Variants in CNGA1 observed in about 807,000 individuals in gnomAD.
CNGA1 encodes the protein cyclic nucleotide-gated channel alpha-1.
Under a neutral mutation model 69.7 loss-of-function variants are expected in CNGA1, and 53 were observed. The observed-to-expected ratio is 0.76, with a 90% CI of 0.61 to 0.96. The LOEUF is 0.96. Among genes scored for constraint, CNGA1 ranks in the 40% least tolerant of loss-of-function variants. CNGA1 has a pLI of 0.00. For missense variants in CNGA1, 739 were observed against 811.2 expected, an observed-to-expected ratio of 0.91 and a Z score of 1.08; for synonymous variants, 249 against 283.5, an observed-to-expected ratio of 0.88 and a Z score of 1.22.
chr4:47,967,180 GTA>G (rs2110189668), intron 3 of CNGA1, among the ~76,000 whole-genome samples: 1 of 152,278 alleles, frequency 6.6e-6, no homozygotes, highest in Non-Finnish European at 1.5e-5. Flanking sequence ...GCGAGCACCT[GTA>G]ATCCCAGCTA....
At chr4:47,985,745 C>T (rs533385741) in intron 2 of CNGA1, among the ~76,000 whole-genome samples, 2 of 150,344 alleles carry the variant, frequency 1.3e-5, no homozygotes, top group East Asian at 1.9e-4. Flanking sequence ...ACACTTCCTT[C>T]GTCTATCTTC....
At chr4:47,955,521 G>A (rs1382032300) in intron 3 of CNGA1, among the ~76,000 whole-genome samples, 1 of 152,066 alleles carries the variant, frequency 6.6e-6, no homozygotes, top group Non-Finnish European at 1.5e-5. Flanking sequence ...TATGCTATGA[G>A]AACAGATTAT....
intron 2 of CNGA1, among the ~76,000 whole-genome samples, chr4:47,995,358 T>C (rs1165919387): frequency 1.3e-5 from 2 of 152,168 alleles, no homozygotes; most frequent in Non-Finnish European, 2.9e-5. Context: ...TTATTCTTTT[T>C]TGTCTTTGTT....
chr4:47,973,856 T>C (rs1208974357), intron 3 of CNGA1, among the ~76,000 whole-genome samples: 1 of 152,158 alleles, frequency 6.6e-6, no homozygotes, highest in Non-Finnish European at 1.5e-5. Flanking sequence ...CATATTCTTC[T>C]GAACAACTTG....
In CNGA1 at chr4:47,989,684, G is replaced by A. The variant is rs116557666; in HGVS notation, c.-122-8184C>T. On this transcript the variant is annotated intron_variant, in intron 2 of 10. Coordinates refer to ENST00000514170, the MANE Select transcript of CNGA1 (RefSeq NM_001379270.1). ...TCCGTAGGTTATTGGGGAAGCTGGT[G>A]GTGTTTGGTTACATGAGTAAGTTCT... is the stretch of plus-strand genomic sequence containing the variant. Among the ~76,000 whole-genome samples, 1,033 of 152,036 alleles carry A rather than the reference G, an allele frequency of 6.8e-3. 40 individuals are homozygous for A. Among genetic ancestry groups the A allele is most frequent in the African/African-American group, 0.023 (970 of 41,392 alleles).
rs534932223 is a variant in CNGA1 at position 47,983,633 on chromosome 4, A to T, written c.-122-2133T>A. ...AAAAAAGTAAAAGAAAAAGAAAAAG[A>T]AAAAGAGAATAAGCCCCTTGCCTTG... On this transcript the variant is annotated intron_variant, in intron 2 of 10. Coordinates refer to ENST00000514170, the MANE Select transcript of CNGA1 (RefSeq NM_001379270.1). Among the ~76,000 whole-genome samples the T allele has an allele frequency of 2.7e-4, 41 of 152,206 alleles. No homozygotes were observed. The East Asian group carries it at 7.2e-3, about 27-fold the overall frequency.
At chr4:47,951,732 G>C (rs1454749455) in intron 4 of CNGA1, among the ~76,000 whole-genome samples, 3 of 152,152 alleles carry the variant, frequency 2.0e-5, no homozygotes, top group African/African-American at 7.2e-5. Context: ...TGATGCATTG[G>C]TTGATGTTAA....
intron 6 of CNGA1, among the ~76,000 whole-genome samples, chr4:47,945,164 A>G (rs759836087): frequency 4.6e-5 from 7 of 152,042 alleles, no homozygotes; most frequent in Non-Finnish European, 7.4e-5. Context: ...GGAGTTCAAG[A>G]CCAGCCCGGG....
intron 2 of CNGA1, among the ~76,000 whole-genome samples, chr4:47,982,873 C>A (rs148764139): frequency 3.3e-5 from 5 of 152,078 alleles, no homozygotes; most frequent in Non-Finnish European, 2.9e-5. Context: ...GGTGCCATCG[C>A]GGCTCACTGC....
At chr4:47,989,126 C>T (rs767353321) in intron 2 of CNGA1, among the ~76,000 whole-genome samples, 2 of 152,234 alleles carry the variant, frequency 1.3e-5, no homozygotes, top group South Asian at 2.1e-4. Flanking sequence ...TTTCTACTTG[C>T]TTAGCTGTGT....
chr4:48,005,105 A>ATTATTTATTTATTTATTTAT (rs58158986), intron 2 of CNGA1, among the ~76,000 whole-genome samples: 8 of 145,488 alleles, frequency 5.5e-5, no homozygotes, highest in African/African-American at 2.0e-4. Flanking sequence ...TTGCTTTTTT[A>ATTATTTATTTATTTATTTAT]TTATTTATTT....
chr4:47,984,477 G>T (rs1741886793), intron 2 of CNGA1, among the ~76,000 whole-genome samples: 1 of 151,670 alleles, frequency 6.6e-6, no homozygotes, highest in South Asian at 2.1e-4. Flanking sequence ...AATTAGGCAG[G>T]CATGGTGGTG....
intron 3 of CNGA1, among the ~76,000 whole-genome samples, chr4:47,973,117 G>C (rs1195508486): frequency 7.0e-6 from 1 of 142,578 alleles, no homozygotes; most frequent in Non-Finnish European, 1.5e-5. Flanking sequence ...GCCCAGGCTG[G>C]AGTGCAGTAG....
intron 3 of CNGA1, among the ~76,000 whole-genome samples, chr4:47,979,440 A>G (rs1261785403): frequency 2.6e-5 from 4 of 152,192 alleles, no homozygotes; most frequent in Admixed American, 6.5e-5. Flanking sequence ...GCTTAATGCC[A>G]TACCCAAAAC....
intron 1 of CNGA1, among the ~76,000 whole-genome samples, chr4:48,012,016 A>T (rs892582682): frequency 6.6e-6 from 1 of 152,218 alleles, no homozygotes; most frequent in Non-Finnish European, 1.5e-5. Flanking sequence ...TTCTTTAAAG[A>T]TGCAAATTCT....
At chr4:47,978,655 C>A (rs1262839250) in intron 3 of CNGA1, among the ~76,000 whole-genome samples, 2 of 152,128 alleles carry the variant, frequency 1.3e-5, no homozygotes, top group East Asian at 3.9e-4. Context: ...TTTCTCTCTT[C>A]AAAGTATATA....
Position 47,937,523 on chromosome 4 carries a change from G to A in CNGA1, c.959C>T (p.Ala320Val), listed in dbSNP as rs764834521. The change falls in exon 11 of 11, where the codon GCT (alanine) becomes GTT (valine). Residue 320 changes from alanine to valine, a missense_variant. By Grantham distance (64) the Ala-to-Val change is moderately conservative. Coordinates refer to ENST00000514170, the MANE Select transcript of CNGA1 (RefSeq NM_001379270.1). ...CCATGTATCATTTCCAAATCCAATA[G>A]CTTTAGAAATAGAGTAGAACACACA... Reference protein sequence around the residue: ...NACVFYSISKAIGFGNDTWVY... With the variant: ...NACVFYSISKVIGFGNDTWVY... 1 of 1,614,022 alleles carries A rather than the reference G, an allele frequency of 6.2e-7. No individual in the cohort carries two copies. Among genetic ancestry groups the A allele is most frequent in the Non-Finnish European group, 8.5e-7 (1 of 1,180,028 alleles).
At chr4:47,949,686 C>T in intron 6 of CNGA1, 147 bp downstream of exon 6, 1 of 645,188 alleles carries the variant, frequency 1.5e-6, no homozygotes, top group Non-Finnish European at 2.7e-6. Flanking sequence ...CACTACTTTT[C>T]AACAAAATGA....
At chr4:47,974,934 A>T (rs1741272598) in intron 3 of CNGA1, among the ~76,000 whole-genome samples, 1 of 152,168 alleles carries the variant, frequency 6.6e-6, no homozygotes, top group South Asian at 2.1e-4. Context: ...AGTGGAGATA[A>T]TAATACCTGC....
Sources: gnomAD v4.1 joint callset for allele counts (sites outside exome capture counted in the v4.1 genomes callset) on GRCh38, gnomAD v4.1.1 for gene constraint, MANE v1.5 for transcripts, NCBI Gene and HGNC (gene_info 2026-07-23, HGNC 2026-07-21) for gene names.